Variants in NTRK1 observed in about 807,000 individuals in gnomAD.
NTRK1 encodes neurotrophic receptor tyrosine kinase 1, also known as high affinity nerve growth factor receptor.
In NTRK1, 62 loss-of-function variants were observed where a neutral mutation model predicts 86.8. The observed-to-expected ratio is 0.71, with a 90% confidence interval of 0.58 to 0.88. NTRK1 has a LOEUF of 0.88. Ranked by LOEUF, NTRK1 falls within the 40% of genes least tolerant of loss-of-function variation. NTRK1 has a pLI of 0.00. For synonymous variants in NTRK1, 469 were observed against 456.6 expected (o/e 1.03, Z -0.35); for missense variants, 967 against 1,078.4 (o/e 0.90, Z 1.45).
intron 2 of NTRK1, chr1:156,849,122 C>G: frequency 6.3e-7 from 1 of 1,597,678 alleles, no homozygotes; most frequent in Non-Finnish European, 8.5e-7. Flanking sequence ...CCGCGGCATC[C>G]CATTCCCAGT....
chr1:156,841,488 C>T (rs780251872), intron 1 of NTRK1: 1 of 1,613,902 alleles, frequency 6.2e-7, no homozygotes, highest in Non-Finnish European at 8.5e-7. Flanking sequence ...TAGGGTTGTT[C>T]TGCCAGGGTC....
At chr1:156,864,581 G>T in intron 2 of NTRK1, 147 bp from the exon 3 acceptor site, 1 of 1,120,326 alleles carries the variant, frequency 8.9e-7, no homozygotes. Flanking sequence ...GGGCTTTGAG[G>T]GGTCTAGAGT....
chr1:156,853,994 C>A (rs763085749), intron 2 of NTRK1: 8 of 1,613,552 alleles, frequency 5.0e-6, no homozygotes, highest in Admixed American at 1.7e-5. Context: ...CAGCACGGCC[C>A]CAAGTGCAGG....
chr1:156,824,322 A>G (rs1179429659), intron 1 of NTRK1, among the ~76,000 whole-genome samples: 52 of 152,122 alleles, frequency 3.4e-4, no homozygotes, highest in Non-Finnish European at 8.8e-5. Context: ...CAGTGCTGTT[A>G]GCACCAGCAT....
intron 1 of NTRK1, 55 bp from the exon 2 acceptor site, chr1:156,864,299 A>G: frequency 1.3e-6 from 2 of 1,569,534 alleles, no homozygotes; most frequent in Non-Finnish European, 1.8e-6. Flanking sequence ...GTGGGTGGGC[A>G]TGGGAACTCA....
At chr1:156,842,191 A>G in exon 2 of NTRK1, 1 of 1,614,054 alleles carries the variant, frequency 6.2e-7, no homozygotes, top group Non-Finnish European at 8.5e-7. Flanking sequence ...TGTTGGCAGC[A>G]AGGTAGGCCA....
Position 156,879,297 on chromosome 1 carries a change from G to A in NTRK1, c.1981G>A (p.Gly661Arg), listed in dbSNP as rs1310506980. ...LATRNCLVGQ[G>R]LVVKIGDFGM... Reference sequence around the variant, plus strand: ...CACACGCAACTGTCTAGTGGGCCAGGGACTGGTGGTCAAGATTGGTGATTT... The same window carrying A: ...CACACGCAACTGTCTAGTGGGCCAGAGACTGGTGGTCAAGATTGGTGATTT... The change falls in exon 15 of 17, where the codon GGA becomes AGA. Residue 661 changes from glycine to arginine, a missense_variant. By Grantham distance (125) the Gly-to-Arg change is moderately radical. Around this residue, in one of 2 missense-constraint regions of NTRK1, gnomAD observed 637 missense variants for 776.5 expected, o/e 0.82. Coordinates refer to ENST00000524377, the MANE Select transcript of NTRK1 (RefSeq NM_002529.4). 5.0e-6 allele frequency: 8 copies of A among 1,613,350 alleles called. No homozygotes were observed. The highest frequency in any genetic ancestry group is 5.9e-6 in the Non-Finnish European group (7 of 1,180,018).
chr1:156,869,431 T>C (rs909982932), intron 6 of NTRK1, among the ~76,000 whole-genome samples: 169 of 152,020 alleles, frequency 1.1e-3, no homozygotes, highest in Non-Finnish European at 3.8e-4. Flanking sequence ...ACAATATCAG[T>C]TGTACTGCAT....
intron 2 of NTRK1, among the ~76,000 whole-genome samples, chr1:156,850,531 ATTCTTTTTTTTTTT>A (rs1424373483): frequency 3.1e-5 from 3 of 97,050 alleles, no homozygotes; most frequent in African/African-American, 1.2e-4. Flanking sequence ...AATTTAAAAC[ATTCTTTTTTTTTTT>A]TTTTTTTTTT....
intron 1 of NTRK1, among the ~76,000 whole-genome samples, chr1:156,818,867 T>C (rs1399905729): frequency 6.6e-6 from 1 of 152,192 alleles, no homozygotes; most frequent in Non-Finnish European, 1.5e-5. Flanking sequence ...AATAATGGTA[T>C]TTCTACTTTT....
chr1:156,881,438 G>C lies in NTRK1; in HGVS notation c.2206-19G>C, dbSNP rs1374179827. On this transcript the variant is annotated intron_variant, in intron 16 of 16. Coordinates refer to ENST00000524377, the MANE Select transcript of NTRK1 (RefSeq NM_002529.4). The stretch of plus-strand genomic sequence containing the variant: ...CCCAGCCTAGTGGGCTTTCTCCTCT[G>C]TCTCTCCGGTGGCCCCAGGCAATCG... The C allele has an allele frequency of 6.4e-7, 1 of 1,553,092 alleles. No homozygotes were observed.
At chr1:156,876,027 AC>A in intron 12 of NTRK1, 52 bp from the exon 13 acceptor site, 1 of 1,613,286 alleles carries the variant, frequency 6.2e-7, no homozygotes, top group Non-Finnish European at 8.5e-7. Context: ...CCCCGCTACA[AC>A]CCCAGCCCTC....
At chr1:156,863,191 C>G (rs545700756) in intron 1 of NTRK1, among the ~76,000 whole-genome samples, 1 of 152,114 alleles carries the variant, frequency 6.6e-6, no homozygotes, top group Non-Finnish European at 1.5e-5. Flanking sequence ...CCCCTAGCCC[C>G]GAATGCCTAC....
At chr1:156,875,113 C>A (rs2102913059) in intron 11 of NTRK1, 105 bp downstream of exon 11, 1 of 860,568 alleles carries the variant, frequency 1.2e-6, no homozygotes, top group South Asian at 1.4e-5. Context: ...CATGGGAGTT[C>A]CAGGGCGTGT....
intron 7 of NTRK1, among the ~76,000 whole-genome samples, chr1:156,872,833 G>A (rs1293679281): frequency 2.6e-5 from 4 of 151,730 alleles, no homozygotes; most frequent in Middle Eastern, 3.4e-3. Flanking sequence ...CCTCCACCAC[G>A]CCCAGCTAAT....
At chr1:156,828,122 T>G (rs2102839276) in intron 1 of NTRK1, among the ~76,000 whole-genome samples, 2 of 152,274 alleles carry the variant, frequency 1.3e-5, no homozygotes, top group South Asian at 4.1e-4. Context: ...CTATAATATA[T>G]CCAATGTTTG....
At position 156,880,095 on chromosome 1, in the gene NTRK1, G is replaced by C. The variant is rs759190964; in HGVS notation, c.2143G>C (p.Val715Leu). 1 of 1,613,600 alleles carries C rather than the reference G, an allele frequency of 6.2e-7. No individual in the cohort carries two copies. Among genetic ancestry groups the C allele is most frequent in the Admixed American group, 1.7e-5 (1 of 59,992 alleles). The change falls in exon 16 of 17, where the codon GTG (valine) becomes CTG (leucine). Residue 715 changes from valine to leucine, a missense_variant. Val to Leu is a conservative substitution (Grantham distance 32). Around this residue, in one of 2 missense-constraint regions of NTRK1, gnomAD observed 637 missense variants for 776.5 expected, o/e 0.82. Transcript: ENST00000524377. Reference protein sequence around the residue: ...TTESDVWSFGVVLWEIFTYGK... With the variant: ...TTESDVWSFGLVLWEIFTYGK... ...CGAGAGCGACGTGTGGAGCTTCGGC[G>C]TGGTGCTCTGGGAGATCTTCACCTA...
upstream of NTRK1, among the ~76,000 whole-genome samples, chr1:156,857,672 C>G (rs1023213967): frequency 2.6e-5 from 4 of 152,180 alleles, no homozygotes; most frequent in African/African-American, 4.8e-5. Context: ...CATCACTCTC[C>G]CATCTCCATG....
upstream of NTRK1, among the ~76,000 whole-genome samples, chr1:156,856,235 T>G (rs1433480622): frequency 6.6e-6 from 1 of 152,188 alleles, no homozygotes; most frequent in Non-Finnish European, 1.5e-5. Flanking sequence ...TAATTCATGT[T>G]GTACCCTAGT....
Sources: gnomAD v4.1 joint callset for allele counts (sites outside exome capture counted in the v4.1 genomes callset) on GRCh38, gnomAD v4.1.1 for gene constraint, gnomAD v4.1.1 regional missense constraint, MANE v1.5 for transcripts, NCBI Gene and HGNC (gene_info 2026-07-23, HGNC 2026-07-21) for gene names.